Variants in KAT6B observed in about 807,000 individuals in gnomAD.
The protein encoded by KAT6B is lysine acetyltransferase 6B.
Under a neutral mutation model 187.5 loss-of-function variants are expected in KAT6B, and 10 were observed. The observed-to-expected ratio is 0.05, with a 90% CI of 0.03 to 0.09. The LOEUF is 0.09. Ranked by LOEUF, KAT6B falls within the 10% of genes least tolerant of loss-of-function variation. The pLI is 1.00. For synonymous variants in KAT6B, 861 were observed against 926.8 expected, an observed-to-expected ratio of 0.93 and a Z score of 1.29; for missense variants, 1,952 against 2,558.9, an observed-to-expected ratio of 0.76 and a Z score of 5.12.
intron 13 of KAT6B, among the ~76,000 whole-genome samples, chr10:75,014,360 C>G (rs1844833311): frequency 6.6e-6 from 1 of 152,112 alleles, no homozygotes; most frequent in African/African-American, 2.4e-5. Flanking sequence ...GAGAATCTAA[C>G]TGGCTTCTCT....
chr10:74,966,288 T>C (rs1450638243), intron 4 of KAT6B, among the ~76,000 whole-genome samples: 2 of 152,224 alleles, frequency 1.3e-5, no homozygotes, highest in Admixed American at 1.3e-4. Flanking sequence ...TGTGATTAGA[T>C]CAATCATGCC....
At chr10:74,963,990 G>A (rs1338367980) in intron 4 of KAT6B, among the ~76,000 whole-genome samples, 5 of 152,094 alleles carry the variant, frequency 3.3e-5, no homozygotes, top group Admixed American at 3.3e-4. Context: ...AAATTAGCCG[G>A]GCATGGTAGC....
At chr10:75,011,683 A>C (rs1844616872) in intron 13 of KAT6B, among the ~76,000 whole-genome samples, 1 of 152,198 alleles carries the variant, frequency 6.6e-6, no homozygotes, top group African/African-American at 2.4e-5. Context: ...AAATTGAAGG[A>C]TGAATCTATA....
chr10:74,890,289 A>G (rs1431469465), intron 3 of KAT6B, among the ~76,000 whole-genome samples: 1 of 152,048 alleles, frequency 6.6e-6, no homozygotes, highest in Non-Finnish European at 1.5e-5. Flanking sequence ...TGGCCTGGAC[A>G]TGTAATTTTT....
chr10:75,031,150 CA>C lies in KAT6B; in HGVS notation c.*109del. 1 of 1,263,462 alleles carries C rather than the reference CA, an allele frequency of 7.9e-7. No individual in the cohort carries two copies. The highest frequency in any genetic ancestry group is 1.1e-6 in the Non-Finnish European group (1 of 895,292). The allele number at this position is 1,263,462 out of a possible 1,614,324, so 78.3% of individuals were successfully genotyped here. On this transcript the variant is annotated 3_prime_UTR_variant, in exon 18 of 18. Coordinates refer to ENST00000287239, the MANE Select transcript of KAT6B (RefSeq NM_012330.4). ...TCAAAACCAGCAATTGGTGTGAATG[CA>C]AAAACATTTGTTGGCACCATTTATT...
intron 3 of KAT6B, among the ~76,000 whole-genome samples, chr10:74,897,558 C>T (rs1846078057): frequency 6.6e-6 from 1 of 152,188 alleles, no homozygotes; most frequent in South Asian, 2.1e-4. Flanking sequence ...CAGTAAGTCA[C>T]CACTACCAGG....
In KAT6B at chr10:74,999,760, A is replaced by G. The variant is rs774311257; in HGVS notation, c.2629+10648A>G. ...CTCTCTTCTGGGACGAGACACTAAG[A>G]GACTTGTCTAAGATCATCCCCCAGA... On this transcript the variant is annotated intron_variant, in intron 13 of 17. Coordinates refer to ENST00000287239, the MANE Select transcript of KAT6B (RefSeq NM_012330.4). Among the ~76,000 whole-genome samples, 18 of 152,218 alleles carry G rather than the reference A, an allele frequency of 1.2e-4. 1 individual carries two copies. Among genetic ancestry groups the G allele is most frequent in the Admixed American group, 3.3e-4 (5 of 15,286 alleles).
At chr10:74,837,616 G>A (rs573156880) in intron 1 of KAT6B, among the ~76,000 whole-genome samples, 1 of 151,252 alleles carries the variant, frequency 6.6e-6, no homozygotes, top group Non-Finnish European at 1.5e-5. Context: ...TTTTTTTCCT[G>A]TGGATTTGTC....
At chr10:74,910,667 C>G (rs1847137605) in intron 3 of KAT6B, among the ~76,000 whole-genome samples, 1 of 151,094 alleles carries the variant, frequency 6.6e-6, no homozygotes, top group Non-Finnish European at 1.5e-5. Flanking sequence ...CCTTCTCACT[C>G]TCCCTGATTT....
At chr10:75,018,305 C>T (rs1845134486) in intron 13 of KAT6B, among the ~76,000 whole-genome samples, 1 of 152,214 alleles carries the variant, frequency 6.6e-6, no homozygotes, top group Non-Finnish European at 1.5e-5. Flanking sequence ...TGCCACCTCC[C>T]CAGGACTCTT....
intron 3 of KAT6B, among the ~76,000 whole-genome samples, chr10:74,891,446 A>T (rs1433069625): frequency 6.6e-6 from 1 of 152,264 alleles, no homozygotes; most frequent in Non-Finnish European, 1.5e-5. Context: ...CTTAAATGGT[A>T]CAAGGGTTTG....
At chr10:75,013,694 G>A (rs983951694) in intron 13 of KAT6B, among the ~76,000 whole-genome samples, 4 of 152,260 alleles carry the variant, frequency 2.6e-5, no homozygotes, top group East Asian at 3.9e-4. Flanking sequence ...ACTGTGATGC[G>A]TCAAGCACTG....
intron 3 of KAT6B, among the ~76,000 whole-genome samples, chr10:74,872,909 C>G (rs1367362086): frequency 6.6e-6 from 1 of 152,066 alleles, no homozygotes; most frequent in East Asian, 1.9e-4. Flanking sequence ...TTGGGGAAAA[C>G]TGGCAAATTT....
intron 13 of KAT6B, among the ~76,000 whole-genome samples, chr10:75,005,182 T>G (rs1844119185): frequency 6.6e-6 from 1 of 152,072 alleles, no homozygotes; most frequent in African/African-American, 2.4e-5. Context: ...TTGCTTCCAC[T>G]TACCCCTCTC....
intron 13 of KAT6B, among the ~76,000 whole-genome samples, chr10:74,999,198 G>A (rs997292060): frequency 1.1e-4 from 17 of 152,236 alleles, no homozygotes; most frequent in Non-Finnish European, 1.6e-4. Flanking sequence ...CGTAGCAGGA[G>A]CATGCCTGGT....
intron 2 of KAT6B, among the ~76,000 whole-genome samples, chr10:74,839,171 T>A (rs1325307874): frequency 4.0e-5 from 6 of 149,100 alleles, no homozygotes; most frequent in Admixed American, 2.7e-4. Context: ...AAAAAAAAAA[T>A]GATTGTGGTA....
rs755754008 is a variant in KAT6B at position 74,858,283 on chromosome 10, A to ATTTT, written c.621+14821_621+14824dup. On this transcript the variant is annotated intron_variant, in intron 3 of 17. Coordinates refer to ENST00000287239, the MANE Select transcript of KAT6B (RefSeq NM_012330.4). ...TTAACAATAGAAGTTTGGATGGGCA[A>ATTTT]TTTTTTTTTTTTTTTTTTTGAGACA... is the stretch of plus-strand genomic sequence containing the variant. 4.4e-4 allele frequency among the ~76,000 whole-genome samples: 59 copies of ATTTT among 135,138 alleles called. 1 individual carries two copies. Among genetic ancestry groups the ATTTT allele is most frequent in the African/African-American group, 1.2e-3 (44 of 35,916 alleles). 88.7% of individuals were successfully genotyped at this position (135,138 alleles called of 152,430 possible).
chr10:74,949,098 G>C (rs911723153), intron 3 of KAT6B, among the ~76,000 whole-genome samples: 10 of 152,148 alleles, frequency 6.6e-5, no homozygotes, highest in Non-Finnish European at 1.3e-4. Flanking sequence ...AATGTAAGTT[G>C]ATTTTAAAAT....
intron 3 of KAT6B, among the ~76,000 whole-genome samples, chr10:74,866,588 A>G (rs1172057297): frequency 2.0e-5 from 3 of 152,188 alleles, no homozygotes; most frequent in Non-Finnish European, 4.4e-5. Context: ...TAGTAGATTT[A>G]CTAAAAAAAA....
Sources: allele counts gnomAD v4.1 joint callset (sites outside exome capture counted in the v4.1 genomes callset), GRCh38; gene constraint gnomAD v4.1.1; transcripts MANE v1.5; gene names NCBI Gene and HGNC (gene_info 2026-07-23, HGNC 2026-07-21).